The following CEP128 variants were observed in gnomAD, a reference collection of about 807,000 sequenced individuals.
CEP128 encodes the protein centrosomal protein 128, also known as centrosomal protein 128kDa.
In CEP128, 132 loss-of-function variants were observed where a neutral mutation model predicts 156.7. The ratio of observed to expected loss-of-function variants is 0.84; its 90% CI spans 0.73 to 0.97. The LOEUF (loss-of-function observed/expected upper bound fraction) is 0.97. Among genes scored for constraint, CEP128 ranks in the 50% least tolerant of loss-of-function variants. The probability of loss-of-function intolerance (pLI) is 0.00; values close to 1 mark genes in which losing one functional copy is unlikely to be tolerated. For synonymous variants in CEP128, 469 were observed against 448.9 expected, an observed-to-expected ratio of 1.04 and a Z score of -0.57; for missense variants, 1,252 against 1,281.9, an observed-to-expected ratio of 0.98 and a Z score of 0.36.
chr14:80,718,661 C>T (rs911486816), intron 19 of CEP128, among the ~76,000 whole-genome samples: 2 of 152,110 alleles, frequency 1.3e-5, no homozygotes, highest in African/African-American at 2.4e-5. Context: ...TAATTTATCA[C>T]AGGAAAACAA....
intron 19 of CEP128, among the ~76,000 whole-genome samples, chr14:80,583,796 AT>A: frequency 6.6e-6 from 1 of 152,334 alleles, no homozygotes; most frequent in African/African-American, 2.4e-5. Flanking sequence ...GATTACTGCC[AT>A]TTTTAAAAGT....
chr14:80,944,756 A>G (rs1886288429), upstream of CEP128, among the ~76,000 whole-genome samples: 3 of 139,932 alleles, frequency 2.1e-5, no homozygotes, highest in South Asian at 7.6e-4. Flanking sequence ...CGGAAGGCAG[A>G]GCTTGCAGTG....
chr14:80,623,567 T>G (rs1893582882), intron 19 of CEP128, among the ~76,000 whole-genome samples: 1 of 151,808 alleles, frequency 6.6e-6, no homozygotes, highest in Non-Finnish European at 1.5e-5. Flanking sequence ...ATAAATGTTA[T>G]ACCTTATATT....
At chr14:80,707,636 T>A (rs894706246) in intron 19 of CEP128, among the ~76,000 whole-genome samples, 2 of 152,164 alleles carry the variant, frequency 1.3e-5, no homozygotes. Context: ...AAATCCAACA[T>A]GAGGTCATAC....
At chr14:80,930,874 C>T (rs541036213) in intron 2 of CEP128, among the ~76,000 whole-genome samples, 2 of 152,332 alleles carry the variant, frequency 1.3e-5, no homozygotes, top group East Asian at 1.9e-4. Flanking sequence ...AAGAGTTGAC[C>T]TGCTTGCTGC....
At chr14:80,567,116 C>T (rs1279021724) in intron 20 of CEP128, among the ~76,000 whole-genome samples, 1 of 152,108 alleles carries the variant, frequency 6.6e-6, no homozygotes, top group Non-Finnish European at 1.5e-5. Flanking sequence ...TATGTTCTGT[C>T]ATTTACTACT....
rs879630082 is a variant in CEP128, at chr14:80,579,330, CT to C, written c.2856+1043del. ...GCCCCAGACTGGACTAACCAATGCT[CT>C]TTTTTTTTTTTTATACCTGAATATA... On this transcript the variant is annotated intron_variant, in intron 20 of 24. Coordinates refer to ENST00000555265, the MANE Select transcript of CEP128 (RefSeq NM_152446.5). Among the ~76,000 whole-genome samples, 412 of 144,132 alleles carry C rather than the reference CT, an allele frequency of 2.9e-3. 1 individual carries two copies. The highest frequency in any genetic ancestry group is 6.4e-3 in the African/African-American group (255 of 39,710). The allele number at this position is 144,132 out of a possible 152,430, so 94.6% of individuals were successfully genotyped here. A position where few individuals can be genotyped will look rare whatever the true frequency, so the allele number is the denominator to read the frequency against.
chr14:80,775,170 T>C lies in CEP128; in HGVS notation c.2376+2712A>G, dbSNP rs534535545. Among the ~76,000 whole-genome samples the C allele has an allele frequency of 4.8e-4, 73 of 152,310 alleles. No homozygotes were observed. The South Asian group carries it at 6.8e-3, about 14-fold the overall frequency. ...CATACATCCTCACACTTAATCCTAATAAAGGTATTATTATGCCCATTTGAA... is the reference window on the plus strand; with the variant it reads ...CATACATCCTCACACTTAATCCTAACAAAGGTATTATTATGCCCATTTGAA... On this transcript the variant is annotated intron_variant, in intron 16 of 24. Transcript: ENST00000555265.
intron 20 of CEP128, among the ~76,000 whole-genome samples, chr14:80,562,408 C>T (rs538085032): frequency 6.6e-6 from 1 of 152,172 alleles, no homozygotes; most frequent in South Asian, 2.1e-4. Flanking sequence ...TAGTCAATTA[C>T]TGATTTTGTC....
chr14:80,924,941 C>T (rs1885066822), intron 2 of CEP128, among the ~76,000 whole-genome samples: 1 of 151,696 alleles, frequency 6.6e-6, no homozygotes, highest in Non-Finnish European at 1.5e-5. Context: ...TGAAGTATAG[C>T]AGGGATGAAT....
intron 13 of CEP128, among the ~76,000 whole-genome samples, chr14:80,826,875 A>C (rs1885511257): frequency 6.6e-6 from 1 of 152,198 alleles, no homozygotes; most frequent in African/African-American, 2.4e-5. Flanking sequence ...TAACTGATCA[A>C]GGATGCTTAG....
chr14:80,671,464 G>A (rs1263814455), intron 19 of CEP128, among the ~76,000 whole-genome samples: 2 of 152,092 alleles, frequency 1.3e-5, no homozygotes, highest in Admixed American at 6.5e-5. Context: ...CAGACATCTA[G>A]GGAAGAGTAT....
intron 19 of CEP128, among the ~76,000 whole-genome samples, chr14:80,685,458 T>G (rs545173444): frequency 1.3e-5 from 2 of 152,128 alleles, no homozygotes; most frequent in South Asian, 2.1e-4. Flanking sequence ...CACAAAGGAA[T>G]GGAAAAACAT....
intron 1 of CEP128, among the ~76,000 whole-genome samples, chr14:80,958,802 C>G (rs987279645): frequency 6.6e-6 from 1 of 152,122 alleles, no homozygotes; most frequent in African/African-American, 2.4e-5. Flanking sequence ...GGATCTACTA[C>G]TGAGGCATGT....
intron 19 of CEP128, among the ~76,000 whole-genome samples, chr14:80,675,651 G>T (rs1896029857): frequency 6.6e-6 from 1 of 151,924 alleles, no homozygotes; most frequent in South Asian, 2.1e-4. Context: ...TCATAAGTAG[G>T]TTATATTTTA....
At chr14:80,484,843 T>A (rs1014961427) in intron 14 of CEP128, among the ~76,000 whole-genome samples, 3 of 151,694 alleles carry the variant, frequency 2.0e-5, no homozygotes, top group African/African-American at 7.3e-5. Flanking sequence ...TCTACTGGCA[T>A]GAATATTGCA....
chr14:80,950,372 A>G (rs1445927079), intron 2 of CEP128, among the ~76,000 whole-genome samples: 1 of 152,192 alleles, frequency 6.6e-6, no homozygotes, highest in Middle Eastern at 3.2e-3. Flanking sequence ...GGAAACTAAG[A>G]TAGATATCAA....
At chr14:80,601,530 T>C (rs1892581700) in intron 19 of CEP128, among the ~76,000 whole-genome samples, 1 of 152,178 alleles carries the variant, frequency 6.6e-6, no homozygotes, top group Non-Finnish European at 1.5e-5. Context: ...GGCCACAGGT[T>C]GGACAAGATT....
At chr14:80,526,773 G>A in intron 23 of CEP128, 96 bp downstream of exon 23, 1 of 588,326 alleles carries the variant, frequency 1.7e-6, no homozygotes, top group Non-Finnish European at 3.0e-6. Context: ...TCTTTCACAA[G>A]TGCCCTTACA....
Sources: allele counts gnomAD v4.1 joint callset (sites outside exome capture counted in the v4.1 genomes callset), GRCh38; gene constraint gnomAD v4.1.1; transcripts MANE v1.5; gene names NCBI Gene and HGNC (gene_info 2026-07-23, HGNC 2026-07-21).